Variants in KCMF1 observed in about 807,000 individuals in gnomAD.
KCMF1 encodes E3 ubiquitin-protein ligase KCMF1.
A neutral mutation model predicts 41.1 loss-of-function variants in KCMF1; 3 were observed. The ratio of observed to expected loss-of-function variants is 0.07; its 90% CI spans 0.03 to 0.19. The LOEUF is 0.19. Ranked by LOEUF, KCMF1 falls within the 10% of genes least tolerant of loss-of-function variation. The probability of loss-of-function intolerance (pLI) is 1.00; values close to 1 mark genes in which losing one functional copy is unlikely to be tolerated. For synonymous variants in KCMF1, 142 were observed against 164.5 expected (o/e 0.86, Z 1.04); for missense variants, 286 against 488.9 (o/e 0.58, Z 3.91).
chr2:84,983,455 T>G (rs116597432), intron 1 of KCMF1, among the ~76,000 whole-genome samples: 1,619 of 152,002 alleles, frequency 0.011, 30 homozygotes, highest in African/African-American at 0.037. Context: ...ATCTCCTGAG[T>G]GGATAGGACT....
At chr2:85,008,340 G>GAT (rs1674547349) in intron 1 of KCMF1, among the ~76,000 whole-genome samples, 3 of 27,320 alleles carry the variant, frequency 1.1e-4, no homozygotes, top group Admixed American at 6.4e-4. Context: ...TATATAATAT[G>GAT]ATATATAATA....
At chr2:85,032,754 C>G (rs1189925168) in intron 2 of KCMF1, among the ~76,000 whole-genome samples, 2 of 152,150 alleles carry the variant, frequency 1.3e-5, no homozygotes, top group African/African-American at 4.8e-5. Flanking sequence ...TCAAGTGATT[C>G]ACCCACTTCG....
At chr2:84,992,810 C>T (rs570084373) in intron 1 of KCMF1, among the ~76,000 whole-genome samples, 6 of 151,730 alleles carry the variant, frequency 4.0e-5, no homozygotes, top group Non-Finnish European at 7.4e-5. Context: ...TTTGTAGAGA[C>T]GGGGTTTCAC....
At position 85,040,256 on chromosome 2, in the gene KCMF1, G is replaced by A. The variant is rs141450551; in HGVS notation, c.325-3308G>A. Reference sequence around the variant, plus strand: ...TATGAATAATAGATATTACTCTATCGTGTGGCAGTGGAAGTATGATAAATA... The same window carrying A: ...TATGAATAATAGATATTACTCTATCATGTGGCAGTGGAAGTATGATAAATA... On this transcript the variant is annotated intron_variant, in intron 3 of 6. Transcript: ENST00000409785. Among the ~76,000 whole-genome samples, 60 of 152,262 alleles carry A rather than the reference G, an allele frequency of 3.9e-4. No individual in the cohort carries two copies. In the East Asian group the frequency reaches 7.9e-3, roughly 20 times the overall value.
In KCMF1 at chr2:85,057,225, T is replaced by C. The variant is rs1675956379; in HGVS notation, c.*3816T>C. ...CACTAGGTACGAAATTATCCCAGAA[T>C]TATACGCGAAAGTTGGTGTTCATGC... On this transcript the variant is annotated 3_prime_UTR_variant, in exon 7 of 7. Coordinates refer to ENST00000409785, the MANE Select transcript of KCMF1 (RefSeq NM_020122.5). 1 of 151,936 alleles carries C rather than the reference T, an allele frequency of 6.6e-6. No individual in the cohort carries two copies. Among genetic ancestry groups the C allele is most frequent in the African/African-American group, 2.4e-5 (1 of 41,340 alleles). The allele number at this position is 151,936 out of a possible 1,614,324, so 9.4% of individuals were successfully genotyped here.
Position 85,049,413 on chromosome 2 carries a change from C to T in KCMF1, c.649C>T (p.Leu217Phe). Residue 217 changes from leucine to phenylalanine, a missense_variant, in exon 6 of 7, where the codon CTT becomes TTT. Leu to Phe is a conservative substitution (Grantham distance 22). This residue lies in a region of KCMF1 where 191 missense variants were observed against 279.3 expected (regional missense o/e 0.68). Coordinates refer to ENST00000409785, the MANE Select transcript of KCMF1 (RefSeq NM_020122.5). ...SGVRRSAGGQ[L>F]NSSGPSASQL... ...AGTGAGACGTTCTGCAGGAGGACAG[C>T]TTAATTCCTCTGGCCCTTCCGCTTC... The T allele has an allele frequency of 6.2e-7, 1 of 1,614,030 alleles. No homozygotes were observed. Among genetic ancestry groups the T allele is most frequent in the Non-Finnish European group, 8.5e-7 (1 of 1,179,890 alleles).
intron 1 of KCMF1, among the ~76,000 whole-genome samples, chr2:84,985,034 A>G (rs1404286040): frequency 6.6e-6 from 1 of 151,950 alleles, no homozygotes; most frequent in Non-Finnish European, 1.5e-5. Flanking sequence ...CTATCTGAAG[A>G]TGGACATTTA....
At chr2:84,976,638 A>C (rs1022936324) in intron 1 of KCMF1, among the ~76,000 whole-genome samples, 1 of 143,102 alleles carries the variant, frequency 7.0e-6, no homozygotes, top group Non-Finnish European at 1.5e-5. Context: ...TAAAAAAAAA[A>C]AAACAAAAAA....
At position 85,053,400 on chromosome 2, in the gene KCMF1, T is replaced by G; in HGVS notation, c.1137T>G (p.Pro379=). ...ATAAAGGAAATGAGCCTCCACCACCTCCTCTTTGATGACATCCCAATTCGC... is the reference window on the plus strand; with the variant it reads ...ATAAAGGAAATGAGCCTCCACCACCGCCTCTTTGATGACATCCCAATTCGC... ...ESNKGNEPPP[P]PL is the part of the protein sequence containing the mutation. The change falls in exon 7 of 7, where the codon CCT becomes CCG. Residue 379 remains proline, a synonymous_variant. Coordinates refer to ENST00000409785, the MANE Select transcript of KCMF1 (RefSeq NM_020122.5). 1 of 1,611,602 alleles carries G rather than the reference T, an allele frequency of 6.2e-7. No individual in the cohort carries two copies. The highest frequency in any genetic ancestry group is 8.5e-7 in the Non-Finnish European group (1 of 1,178,742).
Position 85,055,842 on chromosome 2 carries a change from T to G in KCMF1, c.*2433T>G, listed in dbSNP as rs1248054833. On this transcript the variant is annotated 3_prime_UTR_variant, in exon 7 of 7. Transcript: ENST00000409785. ...TTTATTTTGGCAGCACCTTCAAATT[T>G]CTAAGGACCAGATCCTGAATTTTGA... The G allele has an allele frequency of 6.6e-6, 1 of 152,184 alleles. No homozygotes were observed. Among genetic ancestry groups the G allele is most frequent in the Admixed American group, 6.5e-5 (1 of 15,278 alleles). The allele number at this position is 152,184 out of a possible 1,614,324, so 9.4% of individuals were successfully genotyped here.
At chr2:85,017,900 T>A (rs1417301548) in intron 1 of KCMF1, among the ~76,000 whole-genome samples, 1 of 152,232 alleles carries the variant, frequency 6.6e-6, no homozygotes, top group Admixed American at 6.5e-5. Context: ...AGTGGCTTTT[T>A]AAAAATGTGT....
At chr2:85,044,809 C>T (rs986325331) in intron 4 of KCMF1, among the ~76,000 whole-genome samples, 7 of 152,248 alleles carry the variant, frequency 4.6e-5, no homozygotes, top group Non-Finnish European at 8.8e-5. Context: ...TGAGCCACCA[C>T]GCCCAGCCTC....
intron 1 of KCMF1, among the ~76,000 whole-genome samples, chr2:85,005,842 G>C (rs1040532920): frequency 6.6e-6 from 1 of 152,088 alleles, no homozygotes; most frequent in Non-Finnish European, 1.5e-5. Flanking sequence ...CATATAGTGT[G>C]TAATGACCAG....
intron 1 of KCMF1, among the ~76,000 whole-genome samples, chr2:84,977,028 A>T (rs1444582964): frequency 2.0e-5 from 3 of 150,446 alleles, no homozygotes; most frequent in South Asian, 2.1e-4. Flanking sequence ...TTTTATAATT[A>T]TTTTTTTTTA....
chr2:84,996,907 A>G lies in KCMF1; in HGVS notation c.16+25440A>G, dbSNP rs1279711195. Among the ~76,000 whole-genome samples the G allele has an allele frequency of 5.9e-5, 9 of 152,294 alleles. No homozygotes were observed. In the East Asian group the frequency reaches 1.7e-3, roughly 29 times the overall value. On this transcript the variant is annotated intron_variant, in intron 1 of 6. Transcript: ENST00000409785. Reference sequence around the variant, plus strand: ...ATAGAGTGTACTTACAGAAACCTAGACGGTATAGCCTACTACACATCTGGG... The same window carrying G: ...ATAGAGTGTACTTACAGAAACCTAGGCGGTATAGCCTACTACACATCTGGG...
intron 5 of KCMF1, among the ~76,000 whole-genome samples, chr2:85,048,277 T>G (rs1271295216): frequency 6.6e-6 from 1 of 152,192 alleles, no homozygotes; most frequent in Non-Finnish European, 1.5e-5. Context: ...AAAATATTTC[T>G]TCATCCAAAG....
intron 1 of KCMF1, among the ~76,000 whole-genome samples, chr2:84,987,000 G>A (rs17025771): frequency 0.11 from 17,146 of 152,200 alleles, 1,284 homozygotes; most frequent in East Asian, 0.35. Flanking sequence ...TCTGTAAAAG[G>A]AGGACACTAA....
At chr2:85,007,670 C>T (rs1674505841) in intron 1 of KCMF1, among the ~76,000 whole-genome samples, 1 of 152,166 alleles carries the variant, frequency 6.6e-6, no homozygotes, top group South Asian at 2.1e-4. Flanking sequence ...GGACTGGGCC[C>T]CAGGTACCAC....
At position 85,040,470 on chromosome 2, in the gene KCMF1, C is replaced by T. The variant is rs372319313; in HGVS notation, c.325-3094C>T. Among the ~76,000 whole-genome samples the T allele has an allele frequency of 3.3e-5, 5 of 152,302 alleles. No individual in the cohort carries two copies. The East Asian group carries it at 7.7e-4, about 24-fold the overall frequency. ...TTGTCTCTCCTCCCACTCCCCACCA[C>T]CTCTTTTCCATTTCTCCTGCCCCGC... On this transcript the variant is annotated intron_variant, in intron 3 of 6. Coordinates refer to ENST00000409785, the MANE Select transcript of KCMF1 (RefSeq NM_020122.5).
Sources: allele counts gnomAD v4.1 joint callset (sites outside exome capture counted in the v4.1 genomes callset), GRCh38; gene constraint gnomAD v4.1.1; regional missense constraint gnomAD v4.1.1; transcripts MANE v1.5; gene names NCBI Gene and HGNC (gene_info 2026-07-23, HGNC 2026-07-21).